PALM2AKAP2: variants seen among roughly 807,000 people sequenced by gnomAD.
The protein encoded by PALM2AKAP2 is PALM2-AKAP2 fusion protein.
In PALM2AKAP2, 37 loss-of-function variants were observed where a neutral mutation model predicts 71.5. That is an observed-to-expected ratio of 0.52 (90% CI 0.40 to 0.68). The LOEUF (loss-of-function observed/expected upper bound fraction) is 0.68, where lower values mean the gene tolerates loss of function less well. PALM2AKAP2 is among the 30% of genes least tolerant of loss of function. The pLI, the probability that PALM2AKAP2 is intolerant of heterozygous loss-of-function variation, is 0.00. For missense variants in PALM2AKAP2, 1,224 were observed against 1,191.8 expected, an observed-to-expected ratio of 1.03 and a Z score of -0.40; for synonymous variants, 468 against 478.8, an observed-to-expected ratio of 0.98 and a Z score of 0.29.
chr9:110,171,349 A>G (rs1431309330), exon 4 of PALM2AKAP2: 8 of 151,992 alleles, frequency 5.3e-5, no homozygotes, highest in Admixed American at 6.6e-5. Context: ...TGTTTCTGGG[A>G]CTCTCCCACA....
intron 1 of PALM2AKAP2, among the ~76,000 whole-genome samples, chr9:109,750,045 C>T (rs1177695151): frequency 6.6e-6 from 1 of 152,040 alleles, no homozygotes; most frequent in Non-Finnish European, 1.5e-5. Flanking sequence ...TCAGTGTCAC[C>T]AATATTGAAA....
intron 6 of PALM2AKAP2, among the ~76,000 whole-genome samples, chr9:109,958,293 A>T (rs1030546690): frequency 2.6e-5 from 4 of 152,244 alleles, no homozygotes; most frequent in Admixed American, 2.6e-4. Flanking sequence ...AATGTACCAC[A>T]TAATACTACT....
At chr9:109,797,355 T>C (rs1175716856) in intron 1 of PALM2AKAP2, among the ~76,000 whole-genome samples, 1 of 152,228 alleles carries the variant, frequency 6.6e-6, no homozygotes, top group African/African-American at 2.4e-5. Flanking sequence ...CTTTGCCAAC[T>C]TCACCTTTTT....
chr9:110,029,859 T>C (rs1452034362), intron 7 of PALM2AKAP2, among the ~76,000 whole-genome samples: 1 of 152,194 alleles, frequency 6.6e-6, no homozygotes, highest in Non-Finnish European at 1.5e-5. Flanking sequence ...CCTGAGGGTT[T>C]GGAATGATTG....
intron 7 of PALM2AKAP2, among the ~76,000 whole-genome samples, chr9:110,043,161 C>A (rs1395119661): frequency 6.6e-6 from 1 of 152,170 alleles, no homozygotes; most frequent in Non-Finnish European, 1.5e-5. Context: ...CTGGTCTTCA[C>A]CCCACACCAA....
intron 1 of PALM2AKAP2, among the ~76,000 whole-genome samples, chr9:110,109,644 G>T (rs1835199558): frequency 6.6e-6 from 1 of 152,262 alleles, no homozygotes; most frequent in African/African-American, 2.4e-5. Context: ...CGCGGTATGG[G>T]CAGTCACCAG....
intron 1 of PALM2AKAP2, among the ~76,000 whole-genome samples, chr9:109,808,470 C>A (rs1482861977): frequency 6.6e-6 from 1 of 152,264 alleles, no homozygotes; most frequent in East Asian, 1.9e-4. Flanking sequence ...TTCTAAGCAG[C>A]AAAGTGTTAA....
intron 7 of PALM2AKAP2, chr9:110,024,799 A>T: frequency 3.1e-6 from 2 of 643,948 alleles, no homozygotes; most frequent in East Asian, 2.8e-5. Flanking sequence ...AAAAAAAAAA[A>T]GATATGCCAG....
At chr9:109,801,809 A>G (rs1315269884) in intron 1 of PALM2AKAP2, among the ~76,000 whole-genome samples, 1 of 152,166 alleles carries the variant, frequency 6.6e-6, no homozygotes, top group Non-Finnish European at 1.5e-5. Context: ...GAATTGACCT[A>G]CAGTGGTACT....
At chr9:110,110,678 C>G (rs1458210072) in intron 1 of PALM2AKAP2, among the ~76,000 whole-genome samples, 1 of 151,330 alleles carries the variant, frequency 6.6e-6, no homozygotes, top group African/African-American at 2.4e-5. Flanking sequence ...TCCTGAGTAG[C>G]TGGGATTACA....
At position 110,143,394 on chromosome 9, in the gene PALM2AKAP2, G is replaced by T. The variant is rs374661450; in HGVS notation, c.2569+4855G>T. ...CTGTGATCGAACCATTGTACTCCAGGCTGGGCAGCAAAGTGCCAAAAAAAA... is the reference window on the plus strand; with the variant it reads ...CTGTGATCGAACCATTGTACTCCAGTCTGGGCAGCAAAGTGCCAAAAAAAA... On this transcript the variant is annotated intron_variant, in intron 2 of 3. Transcript: ENST00000374525. Among the ~76,000 whole-genome samples, 29 of 143,706 alleles carry T rather than the reference G, an allele frequency of 2.0e-4. No individual in the cohort carries two copies. In the South Asian group the frequency reaches 6.1e-3, roughly 30 times the overall value. The allele number at this position is 143,706 out of a possible 152,430, so 94.3% of individuals were successfully genotyped here. A position where few individuals can be genotyped will look rare whatever the true frequency, so the allele number is the denominator to read the frequency against.
At chr9:109,998,149 C>T (rs1832609728) in intron 6 of PALM2AKAP2, among the ~76,000 whole-genome samples, 1 of 152,146 alleles carries the variant, frequency 6.6e-6, no homozygotes, top group Non-Finnish European at 1.5e-5. Context: ...AAGATGATTC[C>T]CCAGTGGGCC....
At chr9:109,721,961 A>C (rs1293263706) in intron 1 of PALM2AKAP2, among the ~76,000 whole-genome samples, 1 of 152,238 alleles carries the variant, frequency 6.6e-6, no homozygotes, top group Non-Finnish European at 1.5e-5. Context: ...CTTTTAATGC[A>C]TCCCTATTAC....
chr9:110,169,752 A>ATGTGTG (rs138342860), exon 4 of PALM2AKAP2: 1 of 149,598 alleles, frequency 6.7e-6, no homozygotes, highest in African/African-American at 2.5e-5. Flanking sequence ...GTGTGTGTGG[A>ATGTGTG]TGTGTGTGTG....
chr9:109,872,641 A>C (rs1232501525), intron 2 of PALM2AKAP2, among the ~76,000 whole-genome samples: 1 of 152,238 alleles, frequency 6.6e-6, no homozygotes, highest in Non-Finnish European at 1.5e-5. Context: ...TTCTTCCAAG[A>C]AAGCTGAATG....
intron 1 of PALM2AKAP2, among the ~76,000 whole-genome samples, chr9:109,729,315 T>C (rs757612606): frequency 2.6e-5 from 4 of 152,168 alleles, no homozygotes; most frequent in Non-Finnish European, 4.4e-5. Flanking sequence ...TTAAAATGAA[T>C]ACACAATTTT....
At chr9:109,744,780 T>A (rs1828774175) in intron 1 of PALM2AKAP2, among the ~76,000 whole-genome samples, 1 of 152,172 alleles carries the variant, frequency 6.6e-6, no homozygotes, top group African/African-American at 2.4e-5. Context: ...CACTACCTGT[T>A]TTTGACTTCA....
chr9:109,850,950 G>C (rs139846294), intron 1 of PALM2AKAP2, among the ~76,000 whole-genome samples: 1,874 of 152,098 alleles, frequency 0.012, 37 homozygotes, highest in African/African-American at 0.043. Flanking sequence ...GGCCGAGGCG[G>C]GCGGATCACG....
chr9:109,928,291 T>G (rs961385618), intron 5 of PALM2AKAP2, among the ~76,000 whole-genome samples: 2 of 152,166 alleles, frequency 1.3e-5, no homozygotes, highest in Admixed American at 6.5e-5. Context: ...AAGAAGAGTT[T>G]TCATCAATTT....
Sources: allele counts gnomAD v4.1 joint callset (sites outside exome capture counted in the v4.1 genomes callset), GRCh38; gene constraint gnomAD v4.1.1; transcripts MANE v1.5; gene names NCBI Gene and HGNC (gene_info 2026-07-23, HGNC 2026-07-21).